WWOX: variants seen among roughly 807,000 people sequenced by gnomAD.
WWOX encodes WW domain-containing oxidoreductase.
In WWOX, 69 loss-of-function variants were observed where a neutral mutation model predicts 46.2. That is an observed-to-expected ratio of 1.49 (90% CI 1.23 to 1.82). The LOEUF (loss-of-function observed/expected upper bound fraction) is 1.82, where lower values mean the gene tolerates loss of function less well. WWOX is among the 40% of genes most tolerant of loss of function. The pLI is 0.00. For missense variants in WWOX, 919 were observed against 542.6 expected, an observed-to-expected ratio of 1.69 and a Z score of -6.89; for synonymous variants, 359 against 202.6, an observed-to-expected ratio of 1.77 and a Z score of -6.56.
intron 8 of WWOX, among the ~76,000 whole-genome samples, chr16:79,173,580 C>T (rs1217389826): frequency 1.3e-5 from 2 of 151,176 alleles, no homozygotes; most frequent in African/African-American, 4.9e-5. Context: ...CACTCACAGT[C>T]AAAGCCACTG....
intron 8 of WWOX, among the ~76,000 whole-genome samples, chr16:79,161,355 T>G (rs1457315416): frequency 1.3e-5 from 2 of 152,082 alleles, no homozygotes; most frequent in African/African-American, 4.8e-5. Flanking sequence ...TCATCCCACC[T>G]AAGGTTGTTG....
intron 8 of WWOX, among the ~76,000 whole-genome samples, chr16:78,553,545 A>G (rs924050781): frequency 2.6e-5 from 4 of 152,110 alleles, no homozygotes; most frequent in African/African-American, 9.7e-5. Flanking sequence ...TGAGCTGTCT[A>G]CTATCTCTAA....
intron 8 of WWOX, among the ~76,000 whole-genome samples, chr16:78,813,389 A>C (rs2051246094): frequency 6.6e-6 from 1 of 152,146 alleles, no homozygotes; most frequent in Admixed American, 6.6e-5. Context: ...TGCTAGATTA[A>C]TAACATTTTT....
chr16:78,887,110 GTGTGTGTGTGTGTGTGTGTGTGTGTA>G (rs1567627267), intron 8 of WWOX, among the ~76,000 whole-genome samples: 1 of 88,786 alleles, frequency 1.1e-5, no homozygotes, highest in Non-Finnish European at 2.8e-5. Context: ...GTGTGTGTGT[GTGTGTGTGTGTGTGTGTGTGTGTGTA>G]TACCTAGTCT....
chr16:78,877,249 C>T (rs1388205459), intron 8 of WWOX, among the ~76,000 whole-genome samples: 1 of 151,992 alleles, frequency 6.6e-6, no homozygotes, highest in Non-Finnish European at 1.5e-5. Flanking sequence ...CACAGTAGGA[C>T]ACCAAACCCT....
At chr16:78,326,043 C>G (rs1314224496) in intron 5 of WWOX, among the ~76,000 whole-genome samples, 2 of 152,152 alleles carry the variant, frequency 1.3e-5, no homozygotes, top group African/African-American at 2.4e-5. Flanking sequence ...GCATTGTACC[C>G]TTAAGCAGAA....
chr16:78,160,548 AT>A (rs1443031364), intron 4 of WWOX, among the ~76,000 whole-genome samples: 3 of 152,070 alleles, frequency 2.0e-5, no homozygotes, highest in African/African-American at 4.8e-5. Context: ...TTTCATTGTA[AT>A]TTTTTGAGCC....
At chr16:78,884,547 G>A (rs1258748730) in intron 8 of WWOX, among the ~76,000 whole-genome samples, 5 of 152,112 alleles carry the variant, frequency 3.3e-5, no homozygotes, top group African/African-American at 1.2e-4. Context: ...TCAACAATGT[G>A]GATTTATCTT....
chr16:78,881,246 C>T (rs912714374), intron 8 of WWOX, among the ~76,000 whole-genome samples: 5 of 152,220 alleles, frequency 3.3e-5, no homozygotes, highest in East Asian at 1.9e-4. Flanking sequence ...TCAAGCGATT[C>T]ACGTGCCTCA....
intron 8 of WWOX, among the ~76,000 whole-genome samples, chr16:78,987,562 T>C (rs1367030520): frequency 6.6e-6 from 1 of 152,206 alleles, no homozygotes. Flanking sequence ...CTATAAAATA[T>C]GTGGGTTGAG....
chr16:78,790,219 C>G (rs970906098), intron 8 of WWOX, among the ~76,000 whole-genome samples: 1 of 152,134 alleles, frequency 6.6e-6, no homozygotes, highest in East Asian at 1.9e-4. Context: ...TCACTGCAAC[C>G]TGCTTCCTGG....
At chr16:79,207,714 C>T (rs1349238786) in intron 8 of WWOX, among the ~76,000 whole-genome samples, 6 of 152,116 alleles carry the variant, frequency 3.9e-5, no homozygotes, top group African/African-American at 1.2e-4. Context: ...AAGCAAAACA[C>T]GGTGTAACAT....
intron 8 of WWOX, among the ~76,000 whole-genome samples, chr16:79,165,408 C>T (rs895185222): frequency 1.3e-5 from 2 of 152,152 alleles, no homozygotes; most frequent in Admixed American, 6.5e-5. Context: ...ATGATTAATG[C>T]AGCTAAATTT....
At chr16:78,671,818 A>G (rs770967293) in intron 8 of WWOX, among the ~76,000 whole-genome samples, 6 of 152,222 alleles carry the variant, frequency 3.9e-5, no homozygotes, top group Admixed American at 6.5e-5. Context: ...AAAGGGATCA[A>G]GATATGGATT....
At chr16:78,562,983 GTTC>G (rs2044474959) in intron 8 of WWOX, among the ~76,000 whole-genome samples, 2 of 144,114 alleles carry the variant, frequency 1.4e-5, no homozygotes, top group East Asian at 1.9e-4. Context: ...CTTTACAGAT[GTTC>G]TTTTTTTTTT....
rs1207679511 is a variant in WWOX at position 79,010,354 on chromosome 16, C to T, written c.1057-201254C>T. On this transcript the variant is annotated intron_variant, in intron 8 of 8. Transcript: ENST00000566780. ...CGACAGATGGGACCAGGGCCTTTAACTCAGTGGCAGCTTCAGAGACAGATC... is the reference window on the plus strand; with the variant it reads ...CGACAGATGGGACCAGGGCCTTTAATTCAGTGGCAGCTTCAGAGACAGATC... 8.5e-5 allele frequency among the ~76,000 whole-genome samples: 13 copies of T among 152,212 alleles called. No individual in the cohort carries two copies. In the East Asian group the frequency reaches 9.7e-4, roughly 11 times the overall value.
At chr16:78,197,773 A>C (rs1464811666) in intron 5 of WWOX, among the ~76,000 whole-genome samples, 1 of 152,118 alleles carries the variant, frequency 6.6e-6, no homozygotes, top group Non-Finnish European at 1.5e-5. Context: ...ATGGCAGTGC[A>C]ATCAAGACAT....
chr16:78,127,106 A>G lies in WWOX; in HGVS notation c.409+11952A>G, dbSNP rs2033394242. Among the ~76,000 whole-genome samples the G allele has an allele frequency of 2.0e-5, 3 of 152,188 alleles. No individual in the cohort carries two copies. The South Asian group carries it at 6.2e-4, about 32-fold the overall frequency. On this transcript the variant is annotated intron_variant, in intron 4 of 8. Coordinates refer to ENST00000566780, the MANE Select transcript of WWOX (RefSeq NM_016373.4). Reference sequence around the variant, plus strand: ...ACGTGACCTAGTTTTGAAACCTGGGATAACCACTTCCTATCTGTATGACCC... The same window carrying G: ...ACGTGACCTAGTTTTGAAACCTGGGGTAACCACTTCCTATCTGTATGACCC...
intron 8 of WWOX, among the ~76,000 whole-genome samples, chr16:78,847,537 T>C (rs528643013): frequency 3.3e-5 from 5 of 152,224 alleles, no homozygotes; most frequent in African/African-American, 1.2e-4. Context: ...TCTTGCTATG[T>C]TGCCCAGCTC....
Sources: allele counts gnomAD v4.1 joint callset (sites outside exome capture counted in the v4.1 genomes callset), GRCh38; gene constraint gnomAD v4.1.1; transcripts MANE v1.5; gene names NCBI Gene and HGNC (gene_info 2026-07-23, HGNC 2026-07-21).